The following STK39 variants were observed in gnomAD, a reference collection of about 807,000 sequenced individuals.
The protein encoded by STK39 is STE20/SPS1-related proline-alanine-rich protein kinase.
STK39 carries 20 observed loss-of-function variants against 77.8 expected under a neutral mutation model. The ratio of observed to expected loss-of-function variants is 0.26; its 90% CI spans 0.18 to 0.37. The LOEUF (loss-of-function observed/expected upper bound fraction) is 0.37. STK39 is among the 10% of genes least tolerant of loss of function. The pLI is 1.00. For synonymous variants in STK39, 246 were observed against 234.1 expected (o/e 1.05, Z -0.47); for missense variants, 479 against 656.5 (o/e 0.73, Z 2.95).
chr2:168,034,233 C>A (rs550640123), intron 14 of STK39, among the ~76,000 whole-genome samples: 5 of 152,180 alleles, frequency 3.3e-5, no homozygotes, highest in African/African-American at 9.7e-5. Flanking sequence ...GACACTCTGG[C>A]TTGGGGTTTG....
At chr2:167,966,955 T>C (rs1004179392) in intron 16 of STK39, among the ~76,000 whole-genome samples, 1 of 152,180 alleles carries the variant, frequency 6.6e-6, no homozygotes, top group Non-Finnish European at 1.5e-5. Context: ...GCAATGCTCA[T>C]TAAAAAGATG....
In STK39 at chr2:168,105,609, A is replaced by C. The variant is rs542722629; in HGVS notation, c.1089+23932T>G. On this transcript the variant is annotated intron_variant, in intron 10 of 17. Coordinates refer to ENST00000355999, the MANE Select transcript of STK39 (RefSeq NM_013233.3). ...GCAGCTGTACACCCTGGAAAATTAA[A>C]GGGAAAATGTTAAATAAGCAAACAC... 3.9e-5 allele frequency among the ~76,000 whole-genome samples: 6 copies of C among 152,372 alleles called. No individual in the cohort carries two copies. In the South Asian group the frequency reaches 1.2e-3, roughly 32 times the overall value.
intron 10 of STK39, among the ~76,000 whole-genome samples, chr2:168,090,906 T>C (rs1375395998): frequency 6.6e-6 from 1 of 152,166 alleles, no homozygotes; most frequent in African/African-American, 2.4e-5. Flanking sequence ...ATCTTGAAGA[T>C]ACTGCGAGGA....
At chr2:167,989,936 G>T (rs1447380449) in intron 16 of STK39, among the ~76,000 whole-genome samples, 3 of 151,968 alleles carry the variant, frequency 2.0e-5, no homozygotes, top group African/African-American at 7.3e-5. Context: ...CTTAGTAATG[G>T]TAGATTAAAA....
intron 16 of STK39, among the ~76,000 whole-genome samples, chr2:167,992,126 C>A (rs1441929286): frequency 6.6e-6 from 1 of 152,086 alleles, no homozygotes; most frequent in South Asian, 2.1e-4. Flanking sequence ...TCTTCAGGGG[C>A]CTGGGAGATA....
chr2:168,147,142 CCCA>C (rs1688160441), intron 5 of STK39, among the ~76,000 whole-genome samples: 1 of 152,168 alleles, frequency 6.6e-6, no homozygotes, highest in Admixed American at 6.5e-5. Context: ...GTTGTGATTA[CCCA>C]ACACAGAAAA....
At chr2:168,019,241 A>C (rs569653417) in intron 14 of STK39, among the ~76,000 whole-genome samples, 6 of 152,208 alleles carry the variant, frequency 3.9e-5, no homozygotes, top group Non-Finnish European at 8.8e-5. Context: ...CCGTGATTTC[A>C]CATTTCATGG....
chr2:168,240,292 C>T lies in STK39; in HGVS notation c.208+6936G>A, dbSNP rs147435708. 3.8e-4 allele frequency among the ~76,000 whole-genome samples: 58 copies of T among 152,214 alleles called. No homozygotes were observed. In the East Asian group the frequency reaches 0.011, roughly 28 times the overall value. On this transcript the variant is annotated intron_variant, in intron 1 of 17. Coordinates refer to ENST00000355999, the MANE Select transcript of STK39 (RefSeq NM_013233.3). ...GCTTCAAATTAAGTCTTGAGGGTGA[C>T]GGGAGAGCTACTAAAGGCATTTCAG...
intron 17 of STK39, among the ~76,000 whole-genome samples, chr2:167,959,600 G>C (rs1198100707): frequency 6.6e-6 from 1 of 152,066 alleles, no homozygotes; most frequent in Non-Finnish European, 1.5e-5. Flanking sequence ...AATCTCACAA[G>C]TGCTCTTCCT....
chr2:168,181,631 G>C (rs1048311931), intron 2 of STK39, among the ~76,000 whole-genome samples: 4 of 152,154 alleles, frequency 2.6e-5, no homozygotes, highest in Non-Finnish European at 5.9e-5. Context: ...TGGAGGGCCA[G>C]AAGCTCACCA....
At position 167,975,532 on chromosome 2, in the gene STK39, T is replaced by C. The variant is rs574007866; in HGVS notation, c.1499-10806A>G. 3.9e-5 allele frequency among the ~76,000 whole-genome samples: 6 copies of C among 152,318 alleles called. No individual in the cohort carries two copies. In the East Asian group the frequency reaches 1.2e-3, roughly 29 times the overall value. On this transcript the variant is annotated intron_variant, in intron 16 of 17. Coordinates refer to ENST00000355999, the MANE Select transcript of STK39 (RefSeq NM_013233.3). ...TCCAAGTAGTGCAAAAGGTGGACTG[T>C]AGGCCGGGCACGGTGGCTCACGCCT...
At chr2:168,155,435 T>A (rs1688401219) in intron 5 of STK39, among the ~76,000 whole-genome samples, 1 of 152,162 alleles carries the variant, frequency 6.6e-6, no homozygotes, top group Non-Finnish European at 1.5e-5. Context: ...CTGTCCTTAT[T>A]CACTTATGCC....
chr2:168,238,293 G>C (rs1337745390), intron 1 of STK39, among the ~76,000 whole-genome samples: 2 of 152,082 alleles, frequency 1.3e-5, no homozygotes, highest in African/African-American at 4.8e-5. Context: ...TTTCCATCTA[G>C]TTTTTTCTGA....
intron 14 of STK39, among the ~76,000 whole-genome samples, chr2:168,031,331 A>G (rs1198586487): frequency 2.0e-5 from 3 of 152,182 alleles, no homozygotes; most frequent in Non-Finnish European, 2.9e-5. Flanking sequence ...CAAGTAAGAG[A>G]AGGGAAATCT....
At chr2:168,020,926 T>G (rs1684554346) in intron 14 of STK39, among the ~76,000 whole-genome samples, 1 of 152,144 alleles carries the variant, frequency 6.6e-6, no homozygotes, top group Admixed American at 6.6e-5. Flanking sequence ...CATAAAACAA[T>G]CACCAAGCAT....
chr2:168,142,821 G>A (rs1384844105), intron 5 of STK39, among the ~76,000 whole-genome samples: 1 of 152,132 alleles, frequency 6.6e-6, no homozygotes, highest in African/African-American at 2.4e-5. Flanking sequence ...TATGACTACA[G>A]AAGAAATATA....
chr2:168,037,906 C>T (rs116293353), intron 14 of STK39, among the ~76,000 whole-genome samples: 5,462 of 152,022 alleles, frequency 0.036, 340 homozygotes, highest in African/African-American at 0.12. Flanking sequence ...TTAATAAGAT[C>T]CACTAATATT....
At chr2:168,093,514 C>A (rs1686581399) in intron 10 of STK39, among the ~76,000 whole-genome samples, 1 of 152,204 alleles carries the variant, frequency 6.6e-6, no homozygotes, top group African/African-American at 2.4e-5. Flanking sequence ...GATTCAACTA[C>A]CTCCCAACGG....
At chr2:168,096,424 T>C (rs1686668495) in intron 10 of STK39, among the ~76,000 whole-genome samples, 1 of 152,226 alleles carries the variant, frequency 6.6e-6, no homozygotes, top group Non-Finnish European at 1.5e-5. Context: ...CAGGTTATTA[T>C]GCAGATAAAT....
Sources: allele counts gnomAD v4.1 joint callset (sites outside exome capture counted in the v4.1 genomes callset), GRCh38; gene constraint gnomAD v4.1.1; transcripts MANE v1.5; gene names NCBI Gene and HGNC (gene_info 2026-07-23, HGNC 2026-07-21).